The following DAAM1 variants were observed in gnomAD, a reference collection of about 807,000 sequenced individuals.
The protein encoded by DAAM1 is dishevelled associated activator of morphogenesis 1.
A neutral mutation model predicts 130.0 loss-of-function variants in DAAM1; 52 were observed. The ratio of observed to expected loss-of-function variants is 0.40; its 90% CI spans 0.32 to 0.50. DAAM1 has a LOEUF of 0.50. DAAM1 is among the 20% of genes least tolerant of loss of function. The probability of loss-of-function intolerance (pLI) is 0.61; values close to 1 mark genes in which losing one functional copy is unlikely to be tolerated. For synonymous variants in DAAM1, 452 were observed against 444.5 expected, an observed-to-expected ratio of 1.02 and a Z score of -0.21; for missense variants, 1,134 against 1,303.8, an observed-to-expected ratio of 0.87 and a Z score of 2.01.
chr14:59,350,408 TACAC>T (rs920994773), intron 17 of DAAM1, among the ~76,000 whole-genome samples: 4 of 151,636 alleles, frequency 2.6e-5, no homozygotes, highest in African/African-American at 9.7e-5. Flanking sequence ...CATACACACC[TACAC>T]ACAGTGTGCA....
At chr14:59,232,700 A>G (rs1306421940) in intron 1 of DAAM1, among the ~76,000 whole-genome samples, 1 of 150,892 alleles carries the variant, frequency 6.6e-6, no homozygotes, top group Non-Finnish European at 1.5e-5. Context: ...ATAGGTATAC[A>G]TGTGCCATGG....
At chr14:59,271,875 A>G (rs1882724184) in intron 2 of DAAM1, among the ~76,000 whole-genome samples, 1 of 152,226 alleles carries the variant, frequency 6.6e-6, no homozygotes, top group South Asian at 2.1e-4. Context: ...GTGACTAACA[A>G]TAGAAAGTAA....
intron 1 of DAAM1, among the ~76,000 whole-genome samples, chr14:59,195,732 C>T (rs1887868394): frequency 6.6e-6 from 1 of 152,106 alleles, no homozygotes; most frequent in Non-Finnish European, 1.5e-5. Context: ...AGATGCCCAT[C>T]TTTTATTTTC....
intron 1 of DAAM1, among the ~76,000 whole-genome samples, chr14:59,259,321 G>C (rs1882059760): frequency 6.6e-6 from 1 of 152,152 alleles, no homozygotes; most frequent in Non-Finnish European, 1.5e-5. Context: ...TGCTAAGAGA[G>C]CCCAGACCAT....
intron 6 of DAAM1, 103 bp from the exon 7 acceptor site, chr14:59,324,025 C>A (rs557260584): frequency 0.011 from 8,128 of 717,980 alleles, 80 homozygotes; most frequent in Non-Finnish European, 0.014. Context: ...GAGCAAGACT[C>A]CGTCTGAAAA....
At position 59,198,096 on chromosome 14, in the gene DAAM1, G is replaced by A. The variant is rs983576996; in HGVS notation, c.-38+9328G>A. Among the ~76,000 whole-genome samples the A allele has an allele frequency of 7.6e-4, 115 of 152,230 alleles. 6 individuals are homozygous for A. Among genetic ancestry groups the A allele is most frequent in the Non-Finnish European group, 8.8e-5 (6 of 68,008 alleles). On this transcript the variant is annotated intron_variant, in intron 1 of 24. Transcript: ENST00000360909. ...GCCTTTGTTTATGCTGTCTCTTCAGGCCAGGAATTCCTCCAACAGAAATCA... is the reference window on the plus strand; with the variant it reads ...GCCTTTGTTTATGCTGTCTCTTCAGACCAGGAATTCCTCCAACAGAAATCA...
chr14:59,278,554 C>T (rs1398873223), intron 2 of DAAM1, among the ~76,000 whole-genome samples: 1 of 152,044 alleles, frequency 6.6e-6, no homozygotes, highest in African/African-American at 2.4e-5. Context: ...AAAGTGAATT[C>T]AGAATTCAGA....
intron 1 of DAAM1, among the ~76,000 whole-genome samples, chr14:59,242,935 G>A (rs901846351): frequency 6.6e-6 from 1 of 152,096 alleles, no homozygotes; most frequent in Non-Finnish European, 1.5e-5. Flanking sequence ...TATGTAGAAG[G>A]TACTCAGTAA....
At chr14:59,190,025 C>A (rs1229328008) in intron 1 of DAAM1, among the ~76,000 whole-genome samples, 1 of 152,124 alleles carries the variant, frequency 6.6e-6, no homozygotes, top group Non-Finnish European at 1.5e-5. Context: ...CAAGATGAAT[C>A]CCGTTGCCAT....
At chr14:59,206,159 A>G (rs1342829088) in intron 1 of DAAM1, among the ~76,000 whole-genome samples, 2 of 152,110 alleles carry the variant, frequency 1.3e-5, no homozygotes, top group East Asian at 1.9e-4. Flanking sequence ...CTGGCCCTCA[A>G]AGTGTTCTAA....
chr14:59,264,035 T>A, intron 2 of DAAM1: 1 of 301,786 alleles, frequency 3.3e-6, no homozygotes, highest in Non-Finnish European at 6.4e-6. Context: ...TGGGATTCCC[T>A]AATGCTCCCC....
At chr14:59,331,679 C>A in intron 14 of DAAM1, 134 bp from the exon 15 acceptor site, 1 of 1,496,682 alleles carries the variant, frequency 6.7e-7, no homozygotes, top group South Asian at 1.4e-5. Context: ...ATAAATGACA[C>A]ATTGTTTGAA....
chr14:59,282,844 C>T (rs373172178), intron 2 of DAAM1, among the ~76,000 whole-genome samples: 186 of 152,246 alleles, frequency 1.2e-3, no homozygotes, highest in Non-Finnish European at 2.3e-3. Context: ...TTAGCTATTA[C>T]TATTAGCAGT....
Position 59,348,782 on chromosome 14 carries a change from C to G in DAAM1, c.2160+1159C>G, listed in dbSNP as rs184095508. Among the ~76,000 whole-genome samples, 290 of 152,164 alleles carry G rather than the reference C, an allele frequency of 1.9e-3. 2 individuals carry two copies. The highest frequency in any genetic ancestry group is 6.8e-3 in the African/African-American group (284 of 41,498). ...TTTCCATGGTTCTCACTGATGTCCT[C>G]GAAGGTCTCAGACACCATGCAGGGA... On this transcript the variant is annotated intron_variant, in intron 17 of 24. Coordinates refer to ENST00000360909, the MANE Select transcript of DAAM1 (RefSeq NM_001270520.2).
intron 20 of DAAM1, among the ~76,000 whole-genome samples, chr14:59,355,606 G>C (rs1487473778): frequency 6.6e-6 from 1 of 151,996 alleles, no homozygotes. Flanking sequence ...TGTTGTTTTT[G>C]TTTTGTCCTG....
rs1330520053 is a variant in DAAM1 at position 59,211,458 on chromosome 14, A to T, written c.-38+22690A>T. Among the ~76,000 whole-genome samples the T allele has an allele frequency of 2.0e-5, 3 of 152,358 alleles. No homozygotes were observed. The East Asian group carries it at 5.8e-4, about 29-fold the overall frequency. On this transcript the variant is annotated intron_variant, in intron 1 of 24. Coordinates refer to ENST00000360909, the MANE Select transcript of DAAM1 (RefSeq NM_001270520.2). Reference sequence around the variant, plus strand: ...ACCCAGTGGTGTAATAGTTGTTACAAGAGGATTCTCTGGAGGAAGGCTGCT... The same window carrying T: ...ACCCAGTGGTGTAATAGTTGTTACATGAGGATTCTCTGGAGGAAGGCTGCT...
chr14:59,285,714 G>A (rs1883420156), intron 2 of DAAM1, among the ~76,000 whole-genome samples: 1 of 152,160 alleles, frequency 6.6e-6, no homozygotes, highest in Admixed American at 6.6e-5. Flanking sequence ...AAGCCAACAA[G>A]AAGACTTAAC....
chr14:59,251,964 C>G (rs1881663890), intron 1 of DAAM1, among the ~76,000 whole-genome samples: 1 of 152,180 alleles, frequency 6.6e-6, no homozygotes, highest in South Asian at 2.1e-4. Flanking sequence ...TGATGCAAAG[C>G]TCAGCGTGCT....
Position 59,230,304 on chromosome 14 carries a change from CTT to C in DAAM1, c.-37-33124_-37-33123del, listed in dbSNP as rs34764413. The stretch of plus-strand genomic sequence containing the variant: ...AGCCGAGGGGGGTGATGCTTAGAGG[CTT>C]TTTTTTTTTTTTCCCCCCACAAGCT... On this transcript the variant is annotated intron_variant, in intron 1 of 24. Coordinates refer to ENST00000360909, the MANE Select transcript of DAAM1 (RefSeq NM_001270520.2). Among the ~76,000 whole-genome samples the C allele has an allele frequency of 1.6e-3, 222 of 142,292 alleles. 1 individual carries two copies. Among genetic ancestry groups the C allele is most frequent in the South Asian group, 9.5e-3 (43 of 4,522 alleles). 93.3% of individuals were successfully genotyped at this position (142,292 alleles called of 152,430 possible). A position where few individuals can be genotyped will look rare whatever the true frequency, so the allele number is the denominator to read the frequency against.
Sources: allele counts gnomAD v4.1 joint callset (sites outside exome capture counted in the v4.1 genomes callset), GRCh38; gene constraint gnomAD v4.1.1; transcripts MANE v1.5; gene names NCBI Gene and HGNC (gene_info 2026-07-23, HGNC 2026-07-21).